The following TAAR5 variants were observed in gnomAD, a reference collection of about 807,000 sequenced individuals.
TAAR5 encodes trace amine-associated receptor 5.
In TAAR5, 27 loss-of-function variants were observed where a neutral mutation model predicts 21.1. The ratio of observed to expected loss-of-function variants is 1.28; its 90% CI spans 0.94 to 1.76. The LOEUF is 1.76. Ranked by LOEUF, TAAR5 falls within the 40% of genes most tolerant of loss-of-function variation. The pLI is 0.00. For synonymous variants in TAAR5, 203 were observed against 167.5 expected, an observed-to-expected ratio of 1.21 and a Z score of -1.64; for missense variants, 495 against 405.6, an observed-to-expected ratio of 1.22 and a Z score of -1.89.
chr6:132,599,453 C>G, the TAAR5 span, among the ~76,000 whole-genome samples: 1 of 150,946 alleles, frequency 6.6e-6, no homozygotes, highest in Non-Finnish European at 1.5e-5. Context: ...CTCAGCCTCC[C>G]GAGTAGCTGG....
the TAAR5 span, among the ~76,000 whole-genome samples, chr6:132,598,306 C>T: frequency 1.4e-3 from 218 of 152,200 alleles, 2 homozygotes; most frequent in African/African-American, 4.9e-3. Context: ...AAGAAAATGA[C>T]CCAGATTTAT....
At chr6:132,605,392 C>T in the TAAR5 span, among the ~76,000 whole-genome samples, 6 of 152,234 alleles carry the variant, frequency 3.9e-5, no homozygotes, top group South Asian at 2.1e-4. Flanking sequence ...ACACAGATTC[C>T]GTATAACCTT....
the TAAR5 span, among the ~76,000 whole-genome samples, chr6:132,595,772 A>G: frequency 6.6e-6 from 1 of 152,186 alleles, no homozygotes; most frequent in Non-Finnish European, 1.5e-5. Context: ...AGGCAGATTG[A>G]GTTTTTCCTG....
the TAAR5 span, among the ~76,000 whole-genome samples, chr6:132,606,986 A>G: frequency 6.6e-6 from 1 of 152,142 alleles, no homozygotes; most frequent in Non-Finnish European, 1.5e-5. Context: ...GCTTGAGCCT[A>G]TGAGTTCAAG....
chr6:132,598,983 G>C, the TAAR5 span, among the ~76,000 whole-genome samples: 14 of 152,276 alleles, frequency 9.2e-5, no homozygotes, highest in African/African-American at 3.1e-4. Context: ...TTAATCTCTA[G>C]TGAAAGTTTG....
chr6:132,598,766 C>A, the TAAR5 span, among the ~76,000 whole-genome samples: 81 of 152,156 alleles, frequency 5.3e-4, no homozygotes, highest in Middle Eastern at 3.4e-3. Flanking sequence ...CAGTTCTGTG[C>A]AAACATTGCT....
At chr6:132,615,948 T>C in the TAAR5 span, among the ~76,000 whole-genome samples, 13 of 151,972 alleles carry the variant, frequency 8.6e-5, no homozygotes, top group Admixed American at 4.6e-4. Context: ...CATGAGGCTA[T>C]ACTTAGCCTC....
At chr6:132,612,715 A>G in the TAAR5 span, among the ~76,000 whole-genome samples, 1 of 152,186 alleles carries the variant, frequency 6.6e-6, no homozygotes, top group Non-Finnish European at 1.5e-5. Context: ...TCAGTCCCAT[A>G]TGTAATGTTT....
chr6:132,609,664 T>G, the TAAR5 span, among the ~76,000 whole-genome samples: 1 of 152,214 alleles, frequency 6.6e-6, no homozygotes, highest in African/African-American at 2.4e-5. Context: ...TCCTATAAAC[T>G]GTTTTGAATG....
chr6:132,613,157 C>T, the TAAR5 span, among the ~76,000 whole-genome samples: 7 of 152,144 alleles, frequency 4.6e-5, no homozygotes, highest in Non-Finnish European at 7.4e-5. Context: ...CTAGCCTCAT[C>T]GTTATCTTAA....
At chr6:132,597,816 G>A in the TAAR5 span, among the ~76,000 whole-genome samples, 585 of 152,182 alleles carry the variant, frequency 3.8e-3, 4 homozygotes, top group African/African-American at 0.013. Flanking sequence ...TAGCTTTTTC[G>A]TTCAAATGTA....
chr6:132,602,744 T>G, the TAAR5 span, among the ~76,000 whole-genome samples: 1 of 119,612 alleles, frequency 8.4e-6, no homozygotes, highest in African/African-American at 3.3e-5. Flanking sequence ...AAAAACACTT[T>G]AAGAACATTC....
At chr6:132,607,983 A>G in the TAAR5 span, among the ~76,000 whole-genome samples, 1 of 152,156 alleles carries the variant, frequency 6.6e-6, no homozygotes, top group Non-Finnish European at 1.5e-5. Flanking sequence ...TATGTTTTAT[A>G]TTTCTTTCGT....
rs758868184 is a variant in TAAR5, at chr6:132,589,519, T to C, written c.168A>G (p.Ala56=). ...LIIVLGNVFV[A]FAVSYFKALH... ...GCGCTTTGAAGTAGGACACAGCAAA[T>C]GCCACAAATACATTCCCTAGCACGA... The change falls in exon 1 of 1, where the codon GCA becomes GCG. Residue 56 remains alanine (A), a synonymous_variant. Transcript: ENST00000258034. The C allele has an allele frequency of 1.2e-6, 2 of 1,613,834 alleles. No individual in the cohort carries two copies. Among genetic ancestry groups the C allele is most frequent in the East Asian group, 2.2e-5 (1 of 44,856 alleles).
the TAAR5 span, among the ~76,000 whole-genome samples, chr6:132,601,503 A>G: frequency 1.3e-5 from 2 of 152,236 alleles, no homozygotes; most frequent in African/African-American, 4.8e-5. Flanking sequence ...CAAAGCAGTG[A>G]TATAATACAA....
At chr6:132,602,205 G>A in the TAAR5 span, among the ~76,000 whole-genome samples, 2 of 152,126 alleles carry the variant, frequency 1.3e-5, no homozygotes, top group African/African-American at 4.8e-5. Flanking sequence ...ATGAGGTGGG[G>A]GAAGATGGTT....
At chr6:132,595,703 C>A in the TAAR5 span, among the ~76,000 whole-genome samples, 1 of 152,150 alleles carries the variant, frequency 6.6e-6, no homozygotes, top group Non-Finnish European at 1.5e-5. Context: ...AGTCTGCATG[C>A]AGGTGAACGC....
the TAAR5 span, among the ~76,000 whole-genome samples, chr6:132,599,171 C>T: frequency 1.3e-5 from 2 of 152,114 alleles, no homozygotes; most frequent in Non-Finnish European, 2.9e-5. Flanking sequence ...GGTATTTTCA[C>T]GATCACTGGG....
the TAAR5 span, among the ~76,000 whole-genome samples, chr6:132,614,922 A>G: frequency 0.68 from 103,050 of 152,074 alleles, 36,005 homozygotes; most frequent in African/African-American, 0.85. Flanking sequence ...GGAATACAGT[A>G]GTGCGATCTC....
Sources: allele counts gnomAD v4.1 joint callset (sites outside exome capture counted in the v4.1 genomes callset), GRCh38; gene constraint gnomAD v4.1.1; transcripts MANE v1.5; gene names NCBI Gene and HGNC (gene_info 2026-07-23, HGNC 2026-07-21).